GTF2IRD1: variants seen among roughly 807,000 people sequenced by gnomAD.
GTF2IRD1 encodes the protein general transcription factor II-I repeat domain-containing protein 1.
Under a neutral mutation model 113.2 loss-of-function variants are expected in GTF2IRD1, and 26 were observed. The observed-to-expected ratio is 0.23, with a 90% CI of 0.17 to 0.32. GTF2IRD1 has a LOEUF of 0.32. Ranked by LOEUF, GTF2IRD1 falls within the 10% of genes least tolerant of loss-of-function variation. GTF2IRD1 has a pLI of 1.00. For missense variants in GTF2IRD1, 864 were observed against 1,280.8 expected, an observed-to-expected ratio of 0.67 and a Z score of 4.97; for synonymous variants, 484 against 529.1, an observed-to-expected ratio of 0.91 and a Z score of 1.17.
At chr7:74,559,327 C>G (rs782716914) in intron 21 of GTF2IRD1, among the ~76,000 whole-genome samples, 5 of 152,188 alleles carry the variant, frequency 3.3e-5, no homozygotes, top group Non-Finnish European at 5.9e-5. Flanking sequence ...CCCCAGCCCC[C>G]GGGAAAGGTA....
In GTF2IRD1 at chr7:74,543,796, G is replaced by A. The variant is rs587616854; in HGVS notation, c.1619-959G>A. 4.1e-3 allele frequency among the ~76,000 whole-genome samples: 610 copies of A among 148,304 alleles called. 13 individuals carry two copies. Among genetic ancestry groups the A allele is most frequent in the Middle Eastern group, 0.029 (8 of 276 alleles). ...CATGCCTCTAGTTCCAGCTATTGAG[G>A]AGACTGAGGCGGGTGGATCGTTTGA... On this transcript the variant is annotated intron_variant, in intron 14 of 26. Coordinates refer to ENST00000424337, the MANE Select transcript of GTF2IRD1 (RefSeq NM_005685.4).
At chr7:74,492,071 T>C (rs186265040) in intron 1 of GTF2IRD1, among the ~76,000 whole-genome samples, 38 of 152,320 alleles carry the variant, frequency 2.5e-4, no homozygotes, top group African/African-American at 8.7e-4. Context: ...TGGTGCAATC[T>C]CAGCTCACTG....
intron 22 of GTF2IRD1, among the ~76,000 whole-genome samples, chr7:74,560,483 T>A (rs1386142253): frequency 2.7e-5 from 4 of 146,966 alleles, no homozygotes; most frequent in African/African-American, 9.8e-5. Context: ...TAATAAAAAA[T>A]ATATATAATA....
chr7:74,557,266 A>G (rs1799655553), intron 19 of GTF2IRD1, among the ~76,000 whole-genome samples: 1 of 152,014 alleles, frequency 6.6e-6, no homozygotes, highest in South Asian at 2.1e-4. Context: ...CTGGGCTTCC[A>G]TTCCCTCGCT....
intron 1 of GTF2IRD1, among the ~76,000 whole-genome samples, chr7:74,489,445 C>T (rs541057582): frequency 1.3e-3 from 204 of 152,108 alleles, no homozygotes; most frequent in Middle Eastern, 0.01. Context: ...TGGGTTCAAG[C>T]GATTCTCCTG....
rs1477255857 is a variant in GTF2IRD1, at chr7:74,538,234, C to T, written c.1447+61C>T. Reference sequence around the variant, plus strand: ...GCCGGGAGGGCAACCACCAGCCCTACCCGGCAGCCTTGGGGAGGAGCTCAA... The same window carrying T: ...GCCGGGAGGGCAACCACCAGCCCTATCCGGCAGCCTTGGGGAGGAGCTCAA... On this transcript the variant is annotated intron_variant, in intron 12 of 26. Transcript: ENST00000424337. The T allele has an allele frequency of 7.8e-6, 12 of 1,545,156 alleles. No homozygotes were observed. In the East Asian group the frequency reaches 1.6e-4, roughly 20 times the overall value.
chr7:74,472,828 C>CAG (rs1794188329), intron 1 of GTF2IRD1, among the ~76,000 whole-genome samples: 1 of 152,236 alleles, frequency 6.6e-6, no homozygotes, highest in South Asian at 2.1e-4. Flanking sequence ...TGCCCTCCTG[C>CAG]AGATGCCTCT....
intron 20 of GTF2IRD1, among the ~76,000 whole-genome samples, chr7:74,558,505 C>T (rs1799754741): frequency 6.6e-6 from 1 of 151,636 alleles, no homozygotes; most frequent in African/African-American, 2.4e-5. Context: ...AACTACACCC[C>T]ACTGGGCACT....
chr7:74,501,038 G>A (rs1356988913), intron 1 of GTF2IRD1, among the ~76,000 whole-genome samples: 1 of 152,134 alleles, frequency 6.6e-6, no homozygotes, highest in East Asian at 1.9e-4. Context: ...GAAGCTCTGG[G>A]GACACTTGGG....
intron 25 of GTF2IRD1, among the ~76,000 whole-genome samples, chr7:74,598,894 C>A (rs587622528): frequency 6.6e-6 from 1 of 152,288 alleles, no homozygotes; most frequent in Non-Finnish European, 1.5e-5. Context: ...TCTTCTCTTT[C>A]GCAGGGTCTC....
intron 1 of GTF2IRD1, chr7:74,507,210 A>C (rs1478382702): frequency 6.6e-6 from 1 of 151,898 alleles, no homozygotes; most frequent in African/African-American, 2.4e-5. Flanking sequence ...TGAGTGGCTT[A>C]TGCCTGTATT....
At chr7:74,565,649 T>A (rs1345635787) in intron 22 of GTF2IRD1, among the ~76,000 whole-genome samples, 2 of 151,504 alleles carry the variant, frequency 1.3e-5, no homozygotes, top group Non-Finnish European at 2.9e-5. Flanking sequence ...TAATATTCCA[T>A]CCGAAGAACA....
At chr7:74,466,587 C>T (rs1347471798) in intron 1 of GTF2IRD1, among the ~76,000 whole-genome samples, 10 of 152,156 alleles carry the variant, frequency 6.6e-5, no homozygotes, top group Admixed American at 6.6e-4. Flanking sequence ...GTAATGCTCC[C>T]CGGCTGTGTC....
intron 12 of GTF2IRD1, 28 bp from the exon 13 acceptor site, chr7:74,538,652 G>T: frequency 1.5e-6 from 2 of 1,352,182 alleles, no homozygotes; most frequent in South Asian, 1.2e-5. Flanking sequence ...TGCCAGACTT[G>T]ACAGGATTCT....
chr7:74,479,679 T>G (rs1554334210), intron 1 of GTF2IRD1, among the ~76,000 whole-genome samples: 1 of 152,002 alleles, frequency 6.6e-6, no homozygotes, highest in East Asian at 1.9e-4. Flanking sequence ...GTCCTGGGCT[T>G]CTTCCATGCC....
At chr7:74,566,889 C>T (rs1800352227) in intron 22 of GTF2IRD1, among the ~76,000 whole-genome samples, 1 of 152,214 alleles carries the variant, frequency 6.6e-6, no homozygotes, top group East Asian at 1.9e-4. Flanking sequence ...CAGCCACGCC[C>T]TCTTTCCCAC....
intron 22 of GTF2IRD1, among the ~76,000 whole-genome samples, chr7:74,574,127 G>A (rs1183103659): frequency 6.6e-6 from 1 of 150,436 alleles, no homozygotes; most frequent in Non-Finnish European, 1.5e-5. Context: ...GGGATTACAG[G>A]CATGCACCAC....
rs61019711 is a variant in GTF2IRD1, at chr7:74,520,089, C to CAA, written c.916+399_916+400dup. Among the ~76,000 whole-genome samples the CAA allele has an allele frequency of 9.6e-3, 235 of 24,580 alleles. 46 individuals carry two copies. Among genetic ancestry groups the CAA allele is most frequent in the Non-Finnish European group, 0.015 (195 of 13,186 alleles). The allele number at this position is 24,580 out of a possible 152,430, so 16.1% of individuals were successfully genotyped here. A position where few individuals can be genotyped will look rare whatever the true frequency, so the allele number is the denominator to read the frequency against. On this transcript the variant is annotated intron_variant, in intron 6 of 26. Transcript: ENST00000424337. ...CCTGGGTGACAGCACAGCTCTGTCT[C>CAA]AAAAAAAAAAAAAAAAAAAAAAAAA...
intron 1 of GTF2IRD1, among the ~76,000 whole-genome samples, chr7:74,504,420 C>A (rs1292574038): frequency 6.6e-6 from 1 of 152,214 alleles, no homozygotes; most frequent in Non-Finnish European, 1.5e-5. Context: ...GGAGACGGAA[C>A]TTTCTGTGTA....
Sources: gnomAD v4.1 joint callset for allele counts (sites outside exome capture counted in the v4.1 genomes callset) on GRCh38, gnomAD v4.1.1 for gene constraint, MANE v1.5 for transcripts, NCBI Gene and HGNC (gene_info 2026-07-23, HGNC 2026-07-21) for gene names.